The following DENND1A variants were observed in gnomAD, a reference collection of about 807,000 sequenced individuals.
DENND1A encodes DENN domain containing 1A, also known as DENN domain-containing protein 1A.
In DENND1A, 51 loss-of-function variants were observed where a neutral mutation model predicts 113.7. The observed-to-expected ratio is 0.45, with a 90% confidence interval of 0.36 to 0.57. DENND1A has a LOEUF of 0.57. DENND1A is among the 20% of genes least tolerant of loss of function. DENND1A has a pLI of 0.00. For missense variants in DENND1A, 1,258 were observed against 1,395.9 expected, an observed-to-expected ratio of 0.90 and a Z score of 1.57; for synonymous variants, 565 against 570.8, an observed-to-expected ratio of 0.99 and a Z score of 0.14.
At chr9:123,683,908 G>A (rs2064634938) in intron 5 of DENND1A, among the ~76,000 whole-genome samples, 2 of 152,186 alleles carry the variant, frequency 1.3e-5, no homozygotes, top group African/African-American at 4.8e-5. Flanking sequence ...ACCAACTCTA[G>A]TCGGGACGTG....
intron 2 of DENND1A, among the ~76,000 whole-genome samples, chr9:123,853,701 A>C (rs1843728628): frequency 6.6e-6 from 1 of 152,190 alleles, no homozygotes; most frequent in East Asian, 1.9e-4. Context: ...GCTAGCACTC[A>C]GGTTTTAGGA....
intron 1 of DENND1A, among the ~76,000 whole-genome samples, chr9:123,891,594 G>A (rs1267213802): frequency 2.6e-5 from 4 of 152,296 alleles, no homozygotes; most frequent in Middle Eastern, 3.4e-3. Context: ...CCTAGAAATC[G>A]TGAGACTCTT....
chr9:123,481,112 T>C (rs1478680767), intron 13 of DENND1A, among the ~76,000 whole-genome samples: 15 of 152,340 alleles, frequency 9.8e-5, no homozygotes, highest in South Asian at 8.3e-4. Context: ...AGAAATTTAT[T>C]TTCAACTTGA....
At chr9:123,632,703 G>T (rs551164964) in intron 9 of DENND1A, among the ~76,000 whole-genome samples, 11 of 152,178 alleles carry the variant, frequency 7.2e-5, no homozygotes, top group African/African-American at 2.6e-4. Flanking sequence ...GCCACACTCT[G>T]TACCATCTTC....
intron 13 of DENND1A, among the ~76,000 whole-genome samples, chr9:123,475,971 G>T (rs561248814): frequency 3.3e-5 from 5 of 152,258 alleles, no homozygotes; most frequent in African/African-American, 1.2e-4. Flanking sequence ...ATCACTTGAG[G>T]TCAGGAGTTC....
At chr9:123,741,379 A>G (rs533833707) in intron 5 of DENND1A, among the ~76,000 whole-genome samples, 1 of 152,336 alleles carries the variant, frequency 6.6e-6, no homozygotes, top group South Asian at 2.1e-4. Context: ...CCTACCCACC[A>G]TCAATGTCAA....
chr9:123,606,371 G>A lies in DENND1A; in HGVS notation c.765+3065C>T, dbSNP rs140678408. On this transcript the variant is annotated intron_variant, in intron 11 of 23. Transcript: ENST00000394215. ...CACAGCAAACTCCTCCCCAGCCTCC[G>A]TCAATCAGCAGGGCTAAGATCTATC... is the stretch of plus-strand genomic sequence containing the variant. Among the ~76,000 whole-genome samples the A allele has an allele frequency of 2.8e-4, 42 of 152,216 alleles. No homozygotes were observed. In the East Asian group the frequency reaches 5.2e-3, roughly 19 times the overall value.
At chr9:123,686,728 A>G (rs1346970162) in intron 5 of DENND1A, among the ~76,000 whole-genome samples, 2 of 152,326 alleles carry the variant, frequency 1.3e-5, no homozygotes, top group East Asian at 3.9e-4. Context: ...CCCTAAATGC[A>G]TATTTTTAAG....
intron 1 of DENND1A, among the ~76,000 whole-genome samples, chr9:123,901,863 G>T (rs950395490): frequency 6.6e-6 from 1 of 152,028 alleles, no homozygotes; most frequent in African/African-American, 2.4e-5. Context: ...AAAATTAGCT[G>T]GGCACGGTGG....
chr9:123,735,259 A>G (rs1305540049), intron 5 of DENND1A, among the ~76,000 whole-genome samples: 1 of 152,342 alleles, frequency 6.6e-6, no homozygotes, highest in Non-Finnish European at 1.5e-5. Flanking sequence ...GAACGAGTTC[A>G]TGGAGTCCCC....
At chr9:123,831,279 G>A (rs1840171645) in intron 2 of DENND1A, among the ~76,000 whole-genome samples, 1 of 152,030 alleles carries the variant, frequency 6.6e-6, no homozygotes, top group South Asian at 2.1e-4. Flanking sequence ...ATAACTGAAA[G>A]AAATGACAAA....
At chr9:123,582,169 A>T (rs2058931288) in intron 12 of DENND1A, among the ~76,000 whole-genome samples, 1 of 152,162 alleles carries the variant, frequency 6.6e-6, no homozygotes, top group Admixed American at 6.5e-5. Flanking sequence ...AAAAAAATGT[A>T]GGTTTGAAGT....
intron 12 of DENND1A, among the ~76,000 whole-genome samples, chr9:123,569,852 C>T (rs1589174508): frequency 6.6e-6 from 1 of 152,158 alleles, no homozygotes; most frequent in Non-Finnish European, 1.5e-5. Flanking sequence ...CAACACTCGA[C>T]CCTTAGTCTG....
chr9:123,879,056 A>T (rs1462248742), intron 1 of DENND1A, 35 bp from the exon 2 acceptor site: 2 of 1,604,714 alleles, frequency 1.2e-6, no homozygotes, highest in Non-Finnish European at 1.7e-6. Context: ...ACTGACAAAG[A>T]TTGAGGCAGC....
intron 5 of DENND1A, among the ~76,000 whole-genome samples, chr9:123,729,066 C>T (rs2067964157): frequency 6.6e-6 from 1 of 152,112 alleles, no homozygotes; most frequent in Non-Finnish European, 1.5e-5. Flanking sequence ...AATTCAACCC[C>T]CCTACATGCT....
chr9:123,532,752 C>T (rs1190913848), intron 13 of DENND1A, among the ~76,000 whole-genome samples: 1 of 152,170 alleles, frequency 6.6e-6, no homozygotes, highest in Admixed American at 6.5e-5. Context: ...ACAGAAAACC[C>T]ATCTGCCACA....
rs2070699014 is a variant in DENND1A, at chr9:123,757,819, G to A, written c.186C>T (p.Leu62=). The part of the protein sequence containing the change: ...KFCFPFYVDS[L]TVSQVGQNFT... ...AGTTCTGGCCAACTTGGCTAACTGT[G>A]AGGCTGCAGCAAAGGCAGAACAAAG... is the stretch of plus-strand genomic sequence containing the variant. Residue 62 remains leucine (L), a synonymous_variant, in exon 5 of 24, where the codon CTC becomes CTT. Transcript: ENST00000394215. 2 of 1,613,702 alleles carry A rather than the reference G, an allele frequency of 1.2e-6. No individual in the cohort carries two copies. Among genetic ancestry groups the A allele is most frequent in the East Asian group, 4.5e-5 (2 of 44,830 alleles).
At chr9:123,740,521 G>C (rs10986099) in intron 5 of DENND1A, among the ~76,000 whole-genome samples, 1 of 152,028 alleles carries the variant, frequency 6.6e-6, no homozygotes, top group African/African-American at 2.4e-5. Context: ...AAGTCTTTGA[G>C]ACCTTTTCTT....
At chr9:123,902,690 T>C (rs992266150) in intron 1 of DENND1A, among the ~76,000 whole-genome samples, 4 of 151,188 alleles carry the variant, frequency 2.6e-5, no homozygotes, top group Non-Finnish European at 5.9e-5. Context: ...GATTAAGAAA[T>C]ATGCTTCAGG....
Sources: gnomAD v4.1 joint callset for allele counts (sites outside exome capture counted in the v4.1 genomes callset) on GRCh38, gnomAD v4.1.1 for gene constraint, MANE v1.5 for transcripts, NCBI Gene and HGNC (gene_info 2026-07-23, HGNC 2026-07-21) for gene names.